ITGAX: variants seen among roughly 807,000 people sequenced by gnomAD.
ITGAX encodes the protein integrin alpha-X.
In ITGAX, 99 loss-of-function variants were observed where a neutral mutation model predicts 140.2. The ratio of observed to expected loss-of-function variants is 0.71; its 90% CI spans 0.60 to 0.83. The LOEUF is 0.83. ITGAX is among the 40% of genes least tolerant of loss of function. ITGAX has a pLI of 0.00. For missense variants in ITGAX, 1,444 were observed against 1,482.0 expected (o/e 0.97, Z 0.42); for synonymous variants, 631 against 600.4 (o/e 1.05, Z -0.75).
At chr16:31,365,385 CT>C (rs2080882790) in intron 14 of ITGAX, among the ~76,000 whole-genome samples, 1 of 152,140 alleles carries the variant, frequency 6.6e-6, no homozygotes, top group African/African-American at 2.4e-5. Context: ...CTCAAAAAAG[CT>C]GTTACCAAAA....
At chr16:31,361,479 C>T in intron 9 of ITGAX, 3 of 668,058 alleles carry the variant, frequency 4.5e-6, no homozygotes, top group Non-Finnish European at 5.4e-6. Flanking sequence ...AAAAGCAGTG[C>T]CAGGCCCAAC....
Position 31,380,547 on chromosome 16 carries a change from G to A in ITGAX, c.3199G>A (p.Val1067Met), listed in dbSNP as rs143612140. ...RQILQKKVSVVSVAEITFDTS... is the reference protein window; with the variant it reads ...RQILQKKVSVMSVAEITFDTS... ...GATATTGCAGAAGAAGGTGTCGGTC[G>A]TGAGTGTGGCTGAAATTACGTTCGA... is the stretch of plus-strand genomic sequence containing the variant. Residue 1067 changes from valine (V) to methionine (M), a missense_variant, in exon 28 of 30, where the codon GTG (valine) becomes ATG (methionine). Val to Met is a conservative substitution (Grantham distance 21). Transcript: ENST00000268296. 2.8e-5 allele frequency: 45 copies of A among 1,614,120 alleles called. No individual in the cohort carries two copies. Among genetic ancestry groups the A allele is most frequent in the African/African-American group, 8.0e-5 (6 of 74,936 alleles).
intron 7 of ITGAX, 83 bp from the exon 8 acceptor site, chr16:31,360,227 A>G: frequency 6.6e-7 from 1 of 1,520,812 alleles, no homozygotes; most frequent in African/African-American, 1.4e-5. Context: ...CCAAAGGAAA[A>G]GGCATCTTCT....
chr16:31,368,296 C>A (rs2080912207), intron 14 of ITGAX, among the ~76,000 whole-genome samples: 2 of 151,652 alleles, frequency 1.3e-5, no homozygotes, highest in Non-Finnish European at 2.9e-5. Flanking sequence ...GAGTTCAAGA[C>A]CAGCCTGGCC....
chr16:31,377,368 T>C (rs1412985581), intron 23 of ITGAX, 103 bp downstream of exon 23: 18 of 907,768 alleles, frequency 2.0e-5, no homozygotes, highest in Non-Finnish European at 2.8e-5. Context: ...TGAGATAAGG[T>C]GTTTGAAACT....
Position 31,380,600 on chromosome 16 carries a change from A to G in ITGAX, c.3252A>G (p.Gly1084=). 2.5e-6 allele frequency: 4 copies of G among 1,614,236 alleles called. No individual in the cohort carries two copies. The South Asian group carries it at 4.4e-5, about 18-fold the overall frequency. ...CATCCGTGTACTCCCAGCTTCCAGGACAGGAGGCATTTATGAGAGCTCAGG... is the reference window on the plus strand; with the variant it reads ...CATCCGTGTACTCCCAGCTTCCAGGGCAGGAGGCATTTATGAGAGCTCAGG... ...FDTSVYSQLP[G]QEAFMRAQTT... is the part of the protein sequence containing the mutation. Residue 1084 remains glycine, a synonymous_variant, in exon 28 of 30, where the codon GGA becomes GGG. Transcript: ENST00000268296.
intron 3 of ITGAX, 63 bp downstream of exon 3, chr16:31,356,791 C>T (rs908307828): frequency 1.8e-5 from 22 of 1,216,314 alleles, no homozygotes; most frequent in Middle Eastern, 2.6e-4. Flanking sequence ...TCCAGGGGCC[C>T]GTGGACTCAC....
intron 19 of ITGAX, 59 bp downstream of exon 19, chr16:31,372,729 A>T: frequency 6.7e-7 from 1 of 1,487,750 alleles, no homozygotes; most frequent in Non-Finnish European, 9.3e-7. Flanking sequence ...GGAATCTGGG[A>T]CTCCTGCCTC....
chr16:31,369,156 G>A (rs1331564123), intron 14 of ITGAX, among the ~76,000 whole-genome samples: 1 of 152,132 alleles, frequency 6.6e-6, no homozygotes, highest in African/African-American at 2.4e-5. Flanking sequence ...GCCGGGCAGA[G>A]GGGCTCCTCA....
At chr16:31,361,494 G>C (rs373549092) in intron 9 of ITGAX, 2 of 668,986 alleles carry the variant, frequency 3.0e-6, no homozygotes, top group Non-Finnish European at 5.4e-6. Flanking sequence ...CCCAACCCAG[G>C]AGACCCTTCC....
At chr16:31,380,819 T>A in intron 28 of ITGAX, 78 bp from the exon 29 acceptor site, 1 of 1,380,918 alleles carries the variant, frequency 7.2e-7, no homozygotes, top group African/African-American at 1.4e-5. Flanking sequence ...GGGGAGGGAG[T>A]TAAAGGTTGG....
chr16:31,364,827 G>A lies in ITGAX; in HGVS notation c.1710+1453G>A, dbSNP rs982080970. ...GTTTGAGACTAGCCTGGCCAACACA[G>A]TGAAACCCCATCTCTACTAAAAATA... On this transcript the variant is annotated intron_variant, in intron 14 of 29. Transcript: ENST00000268296. Among the ~76,000 whole-genome samples the A allele has an allele frequency of 3.4e-5, 5 of 147,134 alleles. No homozygotes were observed. In the Admixed American group the frequency reaches 3.5e-4, roughly 10 times the overall value.
chr16:31,373,570 T>G (rs2080993566), intron 20 of ITGAX, among the ~76,000 whole-genome samples, 180 bp downstream of exon 20: 1 of 152,240 alleles, frequency 6.6e-6, no homozygotes, highest in African/African-American at 2.4e-5. Context: ...AATGATTTCC[T>G]GAGAGGCCAC....
chr16:31,367,445 G>A (rs1383623878), intron 14 of ITGAX, among the ~76,000 whole-genome samples: 3 of 152,214 alleles, frequency 2.0e-5, no homozygotes, highest in Admixed American at 6.5e-5. Context: ...TAATGCAGCT[G>A]GTAGGACTTC....
intron 3 of ITGAX, 111 bp from the exon 4 acceptor site, chr16:31,356,920 T>G (rs1203041099): frequency 9.9e-7 from 1 of 1,012,634 alleles, no homozygotes; most frequent in African/African-American, 1.6e-5. Flanking sequence ...CCCGACAGCT[T>G]CCTTCACCGT....
chr16:31,373,156 A>G (rs1426668806), intron 19 of ITGAX, 93 bp from the exon 20 acceptor site: 3 of 794,164 alleles, frequency 3.8e-6, no homozygotes, highest in African/African-American at 3.6e-5. Context: ...TCCCCTGTCT[A>G]TCTCCCAAAT....
At chr16:31,362,874 C>T in intron 12 of ITGAX, 61 bp from the exon 13 acceptor site, 1 of 1,607,748 alleles carries the variant, frequency 6.2e-7, no homozygotes, top group Non-Finnish European at 8.5e-7. Flanking sequence ...AGAGGTGGGA[C>T]CTGGCCCACA....
intron 21 of ITGAX, 31 bp from the exon 22 acceptor site, chr16:31,376,969 G>C: frequency 6.2e-7 from 1 of 1,613,744 alleles, no homozygotes; most frequent in Non-Finnish European, 8.5e-7. Flanking sequence ...TGTCTTTACT[G>C]CTCTGTGACC....
intron 23 of ITGAX, 22 bp from the exon 24 acceptor site, chr16:31,379,546 C>T (rs2081048646): frequency 1.9e-6 from 3 of 1,554,286 alleles, no homozygotes; most frequent in Admixed American, 2.0e-5. Flanking sequence ...TTCACATCCA[C>T]TTATGCGTCT....
Sources: allele counts gnomAD v4.1 joint callset (sites outside exome capture counted in the v4.1 genomes callset), GRCh38; gene constraint gnomAD v4.1.1; transcripts MANE v1.5; gene names NCBI Gene and HGNC (gene_info 2026-07-23, HGNC 2026-07-21).